CSMD1: variants seen among roughly 807,000 people sequenced by gnomAD.
The protein encoded by CSMD1 is CUB and sushi domain-containing protein 1.
Under a neutral mutation model 417.5 loss-of-function variants are expected in CSMD1, and 213 were observed. The ratio of observed to expected loss-of-function variants is 0.51; its 90% confidence interval spans 0.46 to 0.57. The LOEUF (loss-of-function observed/expected upper bound fraction) is 0.57, where lower values mean the gene tolerates loss of function less well. CSMD1 is among the 20% of genes least tolerant of loss of function. The pLI is 0.00. For synonymous variants in CSMD1, 2,862 were observed against 1,736.8 expected, an observed-to-expected ratio of 1.65 and a Z score of -16.11; for missense variants, 6,923 against 4,529.7, an observed-to-expected ratio of 1.53 and a Z score of -15.17.
intron 3 of CSMD1, among the ~76,000 whole-genome samples, chr8:4,042,815 TAAAAAAAAAAAAAA>T (rs60411612): frequency 4.8e-5 from 2 of 41,312 alleles, no homozygotes; most frequent in African/African-American, 1.9e-4. Context: ...TACAACATAT[TAAAAAAAAAAAAAA>T]AAAAAAAAAA....
At chr8:4,110,431 T>G (rs945403495) in intron 3 of CSMD1, among the ~76,000 whole-genome samples, 1 of 152,164 alleles carries the variant, frequency 6.6e-6, no homozygotes, top group Non-Finnish European at 1.5e-5. Context: ...AATCTACATT[T>G]TCATTACTTT....
At chr8:4,820,307 C>A (rs549634049) in intron 1 of CSMD1, among the ~76,000 whole-genome samples, 20 of 152,110 alleles carry the variant, frequency 1.3e-4, no homozygotes, top group Non-Finnish European at 2.2e-4. Flanking sequence ...AGTTAGTGCG[C>A]CATAGAAGCC....
rs140011269 is a variant in CSMD1 at position 4,756,568 on chromosome 8, G to T, written c.86-119010C>A. 6.1e-3 allele frequency among the ~76,000 whole-genome samples: 924 copies of T among 152,284 alleles called. 7 individuals carry two copies. The highest frequency in any genetic ancestry group is 0.021 in the African/African-American group (871 of 41,554). On this transcript the variant is annotated intron_variant, in intron 1 of 69. Coordinates refer to ENST00000635120, the MANE Select transcript of CSMD1 (RefSeq NM_033225.6). ...AGGTATGTATAATGCTATTGAAATA[G>T]AGCATGCGTTCTAGACTTGTTTTTG...
intron 3 of CSMD1, among the ~76,000 whole-genome samples, chr8:4,340,878 T>C (rs1481493821): frequency 6.6e-6 from 1 of 152,058 alleles, no homozygotes; most frequent in African/African-American, 2.4e-5. Flanking sequence ...TATTAACTAT[T>C]AATGAATATT....
intron 3 of CSMD1, among the ~76,000 whole-genome samples, chr8:4,191,578 A>G (rs150072754): frequency 6.6e-6 from 1 of 152,248 alleles, no homozygotes; most frequent in African/African-American, 2.4e-5. Flanking sequence ...TCATCCATGA[A>G]TCACTGTTCT....
In CSMD1 at chr8:4,361,443, T is replaced by C. The variant is rs570531319; in HGVS notation, c.415+58510A>G. Reference sequence around the variant, plus strand: ...AGTAATCTGAAAAACTAACTCATTTTATCTTCATTACAGCCTAATAAGGTC... The same window carrying C: ...AGTAATCTGAAAAACTAACTCATTTCATCTTCATTACAGCCTAATAAGGTC... On this transcript the variant is annotated intron_variant, in intron 3 of 69. Coordinates refer to ENST00000635120, the MANE Select transcript of CSMD1 (RefSeq NM_033225.6). 4.6e-5 allele frequency among the ~76,000 whole-genome samples: 7 copies of C among 151,550 alleles called. No homozygotes were observed. In the South Asian group the frequency reaches 1.5e-3, roughly 32 times the overall value.
intron 26 of CSMD1, among the ~76,000 whole-genome samples, chr8:3,235,606 C>G (rs1365393513): frequency 6.6e-6 from 1 of 152,174 alleles, no homozygotes; most frequent in Non-Finnish European, 1.5e-5. Flanking sequence ...GCGTATCCCA[C>G]ATTGTCATCA....
At chr8:3,600,170 C>T (rs1201526509) in intron 8 of CSMD1, among the ~76,000 whole-genome samples, 2 of 152,200 alleles carry the variant, frequency 1.3e-5, no homozygotes, top group Non-Finnish European at 2.9e-5. Context: ...AAGCTGAAAA[C>T]TGACAAACCA....
At chr8:3,264,292 T>C (rs1044377894) in intron 26 of CSMD1, among the ~76,000 whole-genome samples, 6 of 152,212 alleles carry the variant, frequency 3.9e-5, no homozygotes, top group Admixed American at 1.3e-4. Flanking sequence ...CATTATGTTA[T>C]GGAAACCTCA....
intron 1 of CSMD1, among the ~76,000 whole-genome samples, chr8:4,917,386 G>A (rs895894317): frequency 2.0e-5 from 3 of 152,194 alleles, no homozygotes; most frequent in African/African-American, 7.2e-5. Flanking sequence ...TGTAACCCCA[G>A]CACTTTGGGA....
chr8:4,127,396 C>G (rs534498945), intron 3 of CSMD1, among the ~76,000 whole-genome samples: 2 of 144,566 alleles, frequency 1.4e-5, no homozygotes, highest in South Asian at 4.3e-4. Flanking sequence ...AATCTCCAAT[C>G]TGGAAAATCT....
chr8:3,104,355 C>T (rs1698500212), intron 46 of CSMD1, among the ~76,000 whole-genome samples: 1 of 152,156 alleles, frequency 6.6e-6, no homozygotes, highest in Non-Finnish European at 1.5e-5. Context: ...CCTGACTTTG[C>T]ACCCAATGCA....
chr8:4,180,242 C>G (rs1428007522), intron 3 of CSMD1, among the ~76,000 whole-genome samples: 1 of 151,924 alleles, frequency 6.6e-6, no homozygotes, highest in Non-Finnish European at 1.5e-5. Context: ...GTATACTATG[C>G]AGCAATAAAA....
chr8:4,979,981 T>A (rs1290178636), intron 1 of CSMD1, among the ~76,000 whole-genome samples: 1 of 152,114 alleles, frequency 6.6e-6, no homozygotes, highest in Non-Finnish European at 1.5e-5. Flanking sequence ...CAGCTTGCAG[T>A]GAGCCAAGAT....
chr8:4,051,004 A>G (rs1230644904), intron 3 of CSMD1, among the ~76,000 whole-genome samples: 1 of 152,092 alleles, frequency 6.6e-6, no homozygotes, highest in African/African-American at 2.4e-5. Context: ...CCTACTTTTA[A>G]GGAGGAAGGA....
intron 5 of CSMD1, among the ~76,000 whole-genome samples, chr8:3,991,793 G>A (rs1258940865): frequency 6.6e-6 from 1 of 152,138 alleles, no homozygotes; most frequent in Non-Finnish European, 1.5e-5. Context: ...CCTTGGGACT[G>A]TCTCTCTTCA....
intron 1 of CSMD1, among the ~76,000 whole-genome samples, chr8:4,896,834 G>A (rs1439646999): frequency 2.0e-5 from 3 of 151,952 alleles, no homozygotes; most frequent in African/African-American, 4.8e-5. Context: ...AGTGAGAGCC[G>A]GAGCCACGGA....
intron 2 of CSMD1, among the ~76,000 whole-genome samples, chr8:4,493,733 A>G (rs1420696160): frequency 2.0e-5 from 3 of 152,130 alleles, no homozygotes; most frequent in Non-Finnish European, 4.4e-5. Context: ...AAAACCTAAT[A>G]ATTCAACATT....
At chr8:4,081,230 A>C (rs900816949) in intron 3 of CSMD1, among the ~76,000 whole-genome samples, 1 of 152,326 alleles carries the variant, frequency 6.6e-6, no homozygotes, top group African/African-American at 2.4e-5. Flanking sequence ...CAGCAGGAAC[A>C]GTCTCAGACA....
Sources: allele counts gnomAD v4.1 joint callset (sites outside exome capture counted in the v4.1 genomes callset), GRCh38; gene constraint gnomAD v4.1.1; transcripts MANE v1.5; gene names NCBI Gene and HGNC (gene_info 2026-07-23, HGNC 2026-07-21).